ZC3H15: variants seen among roughly 807,000 people sequenced by gnomAD.
ZC3H15 encodes zinc finger CCCH domain-containing protein 15.
In ZC3H15, 15 loss-of-function variants were observed where a neutral mutation model predicts 51.2. The observed-to-expected ratio is 0.29, with a 90% confidence interval of 0.20 to 0.45. The LOEUF (loss-of-function observed/expected upper bound fraction) is 0.45, where lower values mean the gene tolerates loss of function less well. Among genes scored for constraint, ZC3H15 ranks in the 20% least tolerant of loss-of-function variants. The probability of loss-of-function intolerance (pLI) is 1.00; values close to 1 mark genes in which losing one functional copy is unlikely to be tolerated. For synonymous variants in ZC3H15, 144 were observed against 162.8 expected, an observed-to-expected ratio of 0.88 and a Z score of 0.88; for missense variants, 381 against 494.7, an observed-to-expected ratio of 0.77 and a Z score of 2.18.
chr2:186,491,014 G>T (rs1368272045), intron 1 of ZC3H15, among the ~76,000 whole-genome samples: 4 of 152,072 alleles, frequency 2.6e-5, no homozygotes, highest in Non-Finnish European at 5.9e-5. Flanking sequence ...TTGTAATTCA[G>T]GTTAATCTTT....
chr2:186,497,308 A>G (rs1019903192), intron 2 of ZC3H15, among the ~76,000 whole-genome samples: 11 of 152,154 alleles, frequency 7.2e-5, no homozygotes, highest in African/African-American at 2.2e-4. Context: ...CAGTGACCCA[A>G]CACTTTCCTT....
At chr2:186,499,590 T>C in intron 2 of ZC3H15, 1 of 456,192 alleles carries the variant, frequency 2.2e-6, no homozygotes, top group South Asian at 1.6e-5. Context: ...TCTTTGTCTT[T>C]TCATTGTATT....
chr2:186,486,909 T>G (rs985156117), intron 1 of ZC3H15: 1 of 160,274 alleles, frequency 6.2e-6, no homozygotes, highest in African/African-American at 2.4e-5. Flanking sequence ...CTGTTAGTTC[T>G]TTTGAACCAA....
chr2:186,491,827 A>C (rs1266207841), intron 1 of ZC3H15, among the ~76,000 whole-genome samples: 2 of 152,122 alleles, frequency 1.3e-5, no homozygotes, highest in African/African-American at 4.8e-5. Flanking sequence ...TAGATAAATA[A>C]GTGTCCCCTT....
chr2:186,501,134 T>C (rs1685375966), intron 3 of ZC3H15, 139 bp from the exon 4 acceptor site: 2 of 748,306 alleles, frequency 2.7e-6, no homozygotes, highest in South Asian at 6.1e-5. Flanking sequence ...AATGTCTTGC[T>C]AATCACCCAT....
At chr2:186,500,548 T>G (rs1284459397) in intron 3 of ZC3H15, 1 of 600,958 alleles carries the variant, frequency 1.7e-6, no homozygotes, top group African/African-American at 1.8e-5. Context: ...AGACTGCTAA[T>G]TGATTTATAA....
chr2:186,499,057 T>C (rs898551219), intron 2 of ZC3H15, among the ~76,000 whole-genome samples: 3 of 152,222 alleles, frequency 2.0e-5, no homozygotes, highest in African/African-American at 4.8e-5. Flanking sequence ...TTAACGGCAC[T>C]AACCATATAC....
At chr2:186,505,659 C>A (rs1685455496) in intron 7 of ZC3H15, 62 bp downstream of exon 7, 1 of 1,602,434 alleles carries the variant, frequency 6.2e-7, no homozygotes. Flanking sequence ...CTGTGTCATG[C>A]AAGATTTTGT....
chr2:186,501,167 C>A, intron 3 of ZC3H15, 106 bp from the exon 4 acceptor site: 1 of 1,206,930 alleles, frequency 8.3e-7, no homozygotes, highest in South Asian at 2.2e-5. Flanking sequence ...CCTCTCACAT[C>A]AGTGAATGGA....
chr2:186,501,235 C>G lies in ZC3H15; in HGVS notation c.290-38C>G, dbSNP rs754722058. The G allele has an allele frequency of 2.6e-6, 4 of 1,521,822 alleles. No individual in the cohort carries two copies. The East Asian group carries it at 9.2e-5, about 35-fold the overall frequency. The allele number at this position is 1,521,822 out of a possible 1,614,324, so 94.3% of individuals were successfully genotyped here. On this transcript the variant is annotated intron_variant, in intron 3 of 9. Coordinates refer to ENST00000337859, the MANE Select transcript of ZC3H15 (RefSeq NM_018471.3). ...GTAGAATCTATACTTTACAGCCTGG[C>G]AGATTATAATACAAATACCATATGC...
chr2:186,507,695 T>C (rs1402650737), intron 9 of ZC3H15, among the ~76,000 whole-genome samples: 1 of 152,146 alleles, frequency 6.6e-6, no homozygotes, highest in African/African-American at 2.4e-5. Flanking sequence ...AGGCAAAAGC[T>C]GAGACAGAAA....
At chr2:186,503,099 A>ATATTTATTTATATTTATATT (rs1298515456) in intron 5 of ZC3H15, among the ~76,000 whole-genome samples, 7 of 152,202 alleles carry the variant, frequency 4.6e-5, no homozygotes, top group African/African-American at 1.4e-4. Context: ...ATTTATGTCT[A>ATATTTATTTATATTTATATT]TATTTATAGT....
chr2:186,505,231 G>A (rs1458847686), intron 6 of ZC3H15: 1 of 305,214 alleles, frequency 3.3e-6, no homozygotes, highest in Non-Finnish European at 5.7e-6. Flanking sequence ...ATGGTGAGAA[G>A]AAATCTAGCT....
chr2:186,491,749 A>G (rs1335349284), intron 1 of ZC3H15, among the ~76,000 whole-genome samples: 5 of 152,134 alleles, frequency 3.3e-5, no homozygotes, highest in Non-Finnish European at 5.9e-5. Flanking sequence ...GTTTCTGTGT[A>G]TCATAGAATT....
chr2:186,504,506 C>G (rs1465505374), intron 6 of ZC3H15, among the ~76,000 whole-genome samples: 1 of 152,182 alleles, frequency 6.6e-6, no homozygotes, highest in Non-Finnish European at 1.5e-5. Flanking sequence ...GCTTAGTTCT[C>G]AGATTGGTTG....
At chr2:186,490,591 C>T (rs1028400639) in intron 1 of ZC3H15, among the ~76,000 whole-genome samples, 2 of 152,160 alleles carry the variant, frequency 1.3e-5, no homozygotes, top group South Asian at 2.1e-4. Flanking sequence ...TGAGGGAAAA[C>T]CGTGACAGCT....
chr2:186,501,463 T>C (rs745869008), intron 4 of ZC3H15, 38 bp downstream of exon 4: 1 of 1,563,180 alleles, frequency 6.4e-7, no homozygotes, highest in Non-Finnish European at 8.7e-7. Context: ...AAATAAATGT[T>C]GAATACTTTC....
In ZC3H15 at chr2:186,486,591, C is replaced by T. The variant is rs943582229; in HGVS notation, c.75+134C>T. 2.7e-5 allele frequency: 23 copies of T among 856,204 alleles called. No homozygotes were observed. The African/African-American group carries it at 3.4e-4, about 13-fold the overall frequency. The allele number at this position is 856,204 out of a possible 1,614,324, so 53.0% of individuals were successfully genotyped here. On this transcript the variant is annotated intron_variant, in intron 1 of 9. Transcript: ENST00000337859. ...CCTTAGGCCTGTGTGGCCCACTGCC[C>T]CTTCTCCAGCCCCTGATGACGCTAG...
Position 186,505,511 on chromosome 2 carries a change from A to G in ZC3H15, c.778A>G (p.Lys260Glu). The G allele has an allele frequency of 6.2e-7, 1 of 1,602,302 alleles. No individual in the cohort carries two copies. The highest frequency in any genetic ancestry group is 8.5e-7 in the Non-Finnish European group (1 of 1,176,598). Residue 260 changes from lysine to glutamate, a missense_variant, in exon 7 of 10, where the codon AAA becomes GAA. Around this residue, in one of 3 missense-constraint regions of ZC3H15, gnomAD observed 215 missense variants for 241.8 expected, o/e 0.89. Transcript: ENST00000337859. Reference sequence around the variant, plus strand: ...TCTAGAATCTTTTCTTGCCTGGAAGAAAAGGAAAAGACAAGAAAAGATTGA... The same window carrying G: ...TCTAGAATCTTTTCTTGCCTGGAAGGAAAGGAAAAGACAAGAAAAGATTGA... Reference protein sequence around the residue: ...ITLESFLAWKKRKRQEKIDKL... With the variant: ...ITLESFLAWKERKRQEKIDKL...
Sources: allele counts gnomAD v4.1 joint callset (sites outside exome capture counted in the v4.1 genomes callset), GRCh38; gene constraint gnomAD v4.1.1; regional missense constraint gnomAD v4.1.1; transcripts MANE v1.5; gene names NCBI Gene and HGNC (gene_info 2026-07-23, HGNC 2026-07-21).